Variants in FHIT observed in about 807,000 individuals in gnomAD.
FHIT encodes bis(5'-adenosyl)-triphosphatase.
A neutral mutation model predicts 17.9 loss-of-function variants in FHIT; 19 were observed. The observed-to-expected ratio is 1.06, with a 90% CI of 0.74 to 1.56. The LOEUF (loss-of-function observed/expected upper bound fraction) is 1.56, where lower values mean the gene tolerates loss of function less well. Among genes scored for constraint, FHIT ranks in the 40% most tolerant of loss-of-function variants. The pLI is 0.00. For missense variants in FHIT, 248 were observed against 189.2 expected (o/e 1.31, Z -1.82); for synonymous variants, 81 against 69.7 (o/e 1.16, Z -0.81).
chr3:61,008,784 A>C (rs2107618579), intron 3 of FHIT, among the ~76,000 whole-genome samples: 1 of 152,322 alleles, frequency 6.6e-6, no homozygotes, highest in South Asian at 2.1e-4. Flanking sequence ...GAGATTAATT[A>C]AATCCAATAA....
At chr3:61,005,791 C>G (rs987475865) in intron 3 of FHIT, among the ~76,000 whole-genome samples, 1 of 152,134 alleles carries the variant, frequency 6.6e-6, no homozygotes, top group South Asian at 2.1e-4. Flanking sequence ...TTGGAACAGC[C>G]TGGAGCACAG....
chr3:60,395,655 G>C (rs944912262), intron 5 of FHIT, among the ~76,000 whole-genome samples: 3 of 152,048 alleles, frequency 2.0e-5, no homozygotes, highest in African/African-American at 7.2e-5. Context: ...AGAAAGAAAG[G>C]GGCCTAAAAG....
intron 5 of FHIT, among the ~76,000 whole-genome samples, chr3:60,395,463 T>C (rs1303278642): frequency 6.6e-6 from 1 of 152,184 alleles, no homozygotes; most frequent in East Asian, 1.9e-4. Context: ...AATCATTTAC[T>C]ATATTCCTTT....
chr3:60,921,799 G>T (rs1172681238), intron 3 of FHIT, among the ~76,000 whole-genome samples: 1 of 152,172 alleles, frequency 6.6e-6, no homozygotes, highest in Non-Finnish European at 1.5e-5. Context: ...GCCAGCCAAG[G>T]TCCATCTGGG....
At chr3:60,400,313 C>G (rs242213) in intron 5 of FHIT, among the ~76,000 whole-genome samples, 115,977 of 151,958 alleles carry the variant, frequency 0.76, 46,466 homozygotes, top group Non-Finnish European at 0.9. Flanking sequence ...ATGTGAAGCA[C>G]GGGATGGAGG....
At chr3:60,526,139 C>CACACACACACACACACAA (rs2035566567) in intron 5 of FHIT, among the ~76,000 whole-genome samples, 1 of 78,002 alleles carries the variant, frequency 1.3e-5, no homozygotes, top group South Asian at 5.9e-4. Context: ...ACAACACATA[C>CACACACACACACACACAA]ACACACACAC....
chr3:60,097,303 C>T (rs913924198), intron 5 of FHIT, among the ~76,000 whole-genome samples: 1 of 152,080 alleles, frequency 6.6e-6, no homozygotes, highest in Admixed American at 6.5e-5. Context: ...GAGCTTTACC[C>T]CTTGACCATG....
intron 3 of FHIT, among the ~76,000 whole-genome samples, chr3:61,011,706 C>G (rs865865780): frequency 2.6e-5 from 4 of 152,148 alleles, no homozygotes; most frequent in African/African-American, 9.7e-5. Flanking sequence ...GTTTAAAGAT[C>G]TCGCCTTTTC....
chr3:61,013,538 T>C (rs773123830), intron 3 of FHIT, among the ~76,000 whole-genome samples: 2 of 152,200 alleles, frequency 1.3e-5, no homozygotes, highest in Non-Finnish European at 2.9e-5. Flanking sequence ...TTTGATTCTG[T>C]AGCAGATTTT....
chr3:60,338,621 A>C lies in FHIT; in HGVS notation c.103+198239T>G, dbSNP rs533610699. On this transcript the variant is annotated intron_variant, in intron 5 of 9. Transcript: ENST00000492590. ...AGTTCAAAAAGCATGGTTACCACAT[A>C]AAGACTTGCAGTTACTAGACCACTT... is the stretch of plus-strand genomic sequence containing the variant. 4.6e-5 allele frequency among the ~76,000 whole-genome samples: 7 copies of C among 152,310 alleles called. No individual in the cohort carries two copies. The South Asian group carries it at 1.2e-3, about 27-fold the overall frequency.
chr3:60,094,266 G>C (rs148679932), intron 5 of FHIT, among the ~76,000 whole-genome samples: 2 of 152,160 alleles, frequency 1.3e-5, no homozygotes, highest in African/African-American at 4.8e-5. Flanking sequence ...ACACTTATGA[G>C]AAATTAAAAC....
At chr3:60,343,021 G>A (rs952646480) in intron 5 of FHIT, among the ~76,000 whole-genome samples, 7 of 152,026 alleles carry the variant, frequency 4.6e-5, no homozygotes, top group South Asian at 2.1e-4. Flanking sequence ...AGTCTATAGC[G>A]ATTTGTTTAC....
rs199864714 is a variant in FHIT, at chr3:61,235,701, C to CAA, written c.-213+15598_-213+15599dup. 4.8e-5 allele frequency among the ~76,000 whole-genome samples: 7 copies of CAA among 145,412 alleles called. No individual in the cohort carries two copies. The South Asian group carries it at 8.6e-4, about 18-fold the overall frequency. Reference sequence around the variant, plus strand: ...TGGATGACAGAGCGAGACTCTGTCTCAAAAAAAAAAGAACCCATGTTGGAT... The same window carrying CAA: ...TGGATGACAGAGCGAGACTCTGTCTCAAAAAAAAAAAAGAACCCATGTTGGAT... On this transcript the variant is annotated intron_variant, in intron 1 of 9. Transcript: ENST00000492590.
At chr3:61,114,980 C>G (rs1433482481) in intron 2 of FHIT, among the ~76,000 whole-genome samples, 1 of 152,120 alleles carries the variant, frequency 6.6e-6, no homozygotes, top group Non-Finnish European at 1.5e-5. Flanking sequence ...CCAAAAGATG[C>G]TTTTTCCACT....
chr3:59,955,916 T>C (rs1188836507), intron 7 of FHIT, among the ~76,000 whole-genome samples: 4 of 152,228 alleles, frequency 2.6e-5, no homozygotes, highest in Admixed American at 6.5e-5. Flanking sequence ...GCAACCGCCA[T>C]GGTGTGTAAC....
intron 3 of FHIT, among the ~76,000 whole-genome samples, chr3:60,833,883 C>T (rs6807024): frequency 0.075 from 11,384 of 152,244 alleles, 527 homozygotes; most frequent in African/African-American, 0.12. Flanking sequence ...CAAGTGGAGT[C>T]GTACAGTGTG....
At chr3:60,404,434 A>C (rs1456125184) in intron 5 of FHIT, among the ~76,000 whole-genome samples, 1 of 152,180 alleles carries the variant, frequency 6.6e-6, no homozygotes, top group African/African-American at 2.4e-5. Flanking sequence ...ATGTGACAGT[A>C]GCTAAGACCC....
intron 3 of FHIT, among the ~76,000 whole-genome samples, chr3:60,868,679 G>A (rs937906097): frequency 2.0e-5 from 3 of 152,050 alleles, no homozygotes; most frequent in East Asian, 1.9e-4. Flanking sequence ...AGGATATGGC[G>A]ATACATTTTA....
intron 3 of FHIT, among the ~76,000 whole-genome samples, chr3:60,948,082 T>G (rs1708715200): frequency 6.6e-6 from 1 of 152,180 alleles, no homozygotes; most frequent in Non-Finnish European, 1.5e-5. Context: ...CCCTAGTGGA[T>G]TCTCCAGTCA....
Sources: gnomAD v4.1 joint callset for allele counts (sites outside exome capture counted in the v4.1 genomes callset) on GRCh38, gnomAD v4.1.1 for gene constraint, MANE v1.5 for transcripts, NCBI Gene and HGNC (gene_info 2026-07-23, HGNC 2026-07-21) for gene names.